The following RNF213 variants were observed in gnomAD, a reference collection of about 807,000 sequenced individuals.
RNF213 encodes the protein E3 ubiquitin-protein ligase RNF213.
RNF213 carries 341 observed loss-of-function variants against 514.4 expected under a neutral mutation model. The ratio of observed to expected loss-of-function variants is 0.66; its 90% CI spans 0.61 to 0.73. The LOEUF is 0.73. Among genes scored for constraint, RNF213 ranks in the 30% least tolerant of loss-of-function variants. The pLI, the probability that RNF213 is intolerant of heterozygous loss-of-function variation, is 0.00. For synonymous variants in RNF213, 2,655 were observed against 2,658.2 expected (o/e 1.00, Z 0.04); for missense variants, 5,767 against 6,615.6 (o/e 0.87, Z 4.45).
chr17:80,321,734 T>C (rs1039374427), intron 17 of RNF213, among the ~76,000 whole-genome samples: 2 of 152,168 alleles, frequency 1.3e-5, no homozygotes, highest in African/African-American at 4.8e-5. Context: ...GGTTTTTGTT[T>C]GTTTTTTGAG....
Position 80,390,178 on chromosome 17 carries a change from G to C in RNF213, c.15452G>C (p.Arg5151Pro), listed in dbSNP as rs145670917. The C allele has an allele frequency of 6.2e-7, 1 of 1,614,012 alleles. No individual in the cohort carries two copies. The highest frequency in any genetic ancestry group is 1.3e-5 in the African/African-American group (1 of 75,034). The change falls in exon 67 of 68, where the codon CGC (arginine) becomes CCC (proline). Residue 5151 changes from arginine (R) to proline (P), a missense_variant. Arg to Pro is a moderately radical substitution (Grantham distance 103). Coordinates refer to ENST00000582970, the MANE Select transcript of RNF213 (RefSeq NM_001256071.3). ...LKNPQTQTEERFRPQWSLRDT... is the reference protein window; with the variant it reads ...LKNPQTQTEEPFRPQWSLRDT... ...AACCCCCAAACCCAAACCGAGGAGC[G>C]CTTCCGCCCTCAGTGGAGGTATGGA...
rs117705614 is a variant in RNF213 at position 80,364,529 on chromosome 17, C to T, written c.11847C>T (p.Thr3949=). ...TCCCCGAGTTACAGGGGCTGGTGAC[C>T]GAGCACGTCTTCTTACTAGACAAGG... The part of the protein sequence containing the change: ...SRVPELQGLV[T]EHVFLLDKCL... The change falls in exon 42 of 68, where the codon ACC becomes ACT. Residue 3949 remains threonine, a synonymous_variant. Coordinates refer to ENST00000582970, the MANE Select transcript of RNF213 (RefSeq NM_001256071.3). 5,739 of 1,614,116 alleles carry T rather than the reference C, an allele frequency of 3.6e-3. 19 individuals are homozygous for T. The highest frequency in any genetic ancestry group is 4.2e-3 in the Non-Finnish European group (4,998 of 1,179,998).
chr17:80,293,646 A>G (rs2044823945), intron 8 of RNF213, among the ~76,000 whole-genome samples: 1 of 151,534 alleles, frequency 6.6e-6, no homozygotes, highest in African/African-American at 2.4e-5. Flanking sequence ...ACACGGTGAA[A>G]CCCCGTCTCT....
At position 80,386,304 on chromosome 17, in the gene RNF213, AG is replaced by A; in HGVS notation, c.14595del (p.Glu4865AspfsTer23). 1 of 1,613,488 alleles carries A rather than the reference AG, an allele frequency of 6.2e-7. No homozygotes were observed. On this transcript the variant is annotated frameshift_variant, in exon 62 of 68. Transcript: ENST00000582970. LOFTEE classifies it high-confidence loss of function. The stretch of plus-strand genomic sequence containing the variant: ...AGCACTGACTTGGATCTGGACACTG[AG>A]TTTGAGATCCTCTTGCCACGCCGAC... ...YCSTDLDLDT[E>X]FEILLPRRRG... is the part of the protein sequence containing the mutation.
chr17:80,355,829 A>G (rs1047981637), intron 36 of RNF213, among the ~76,000 whole-genome samples: 1 of 150,052 alleles, frequency 6.7e-6, no homozygotes, highest in South Asian at 2.1e-4. Flanking sequence ...ACAGGAGAAG[A>G]AGCGGGGTGA....
At position 80,373,050 on chromosome 17, in the gene RNF213, G is replaced by A. The variant is rs764077430; in HGVS notation, c.12827G>A (p.Arg4276Gln). 127 of 1,613,760 alleles carry A rather than the reference G, an allele frequency of 7.9e-5. No homozygotes were observed. Among genetic ancestry groups the A allele is most frequent in the South Asian group, 7.2e-4 (66 of 91,078 alleles). Residue 4276 changes from arginine (R) to glutamine (Q), a missense_variant, in exon 49 of 68, where the codon CGG (arginine) becomes CAG (glutamine). Around this residue, in one of 13 missense-constraint regions of RNF213, gnomAD observed 1,245 missense variants for 1,339.0 expected, o/e 0.93. Coordinates refer to ENST00000582970, the MANE Select transcript of RNF213 (RefSeq NM_001256071.3). ...ATCCGGGTGGAGAACGACTGGCACC[G>A]GGTGTACCTGGTGCGGAAGCTCAGC... ...FCIRVENDWH[R>Q]VYLVRKLSSQ... is the part of the protein sequence containing the mutation.
In RNF213 at chr17:80,345,510, C is replaced by T. The variant is rs766724424; in HGVS notation, c.7175C>T (p.Thr2392Met). The T allele has an allele frequency of 4.3e-6, 7 of 1,611,594 alleles. No individual in the cohort carries two copies. Among genetic ancestry groups the T allele is most frequent in the Non-Finnish European group, 4.2e-6 (5 of 1,177,944 alleles). ...GIPQATDPDK[T>M]YELTTDNMLK... is the part of the protein sequence containing the mutation. The stretch of plus-strand genomic sequence containing the variant: ...CCCCAGGCCACCGACCCCGACAAAA[C>T]GTATGAGCTCACAACCGACAATATG... The change falls in exon 29 of 68, where the codon ACG (threonine) becomes ATG (methionine). Residue 2392 changes from threonine to methionine, a missense_variant. Coordinates refer to ENST00000582970, the MANE Select transcript of RNF213 (RefSeq NM_001256071.3). The surrounding 1 kb of genome is among the most constrained non-coding windows in gnomAD (Gnocchi z 6.0).
chr17:80,304,096 A>T (rs1469668863), intron 11 of RNF213, among the ~76,000 whole-genome samples: 1 of 151,914 alleles, frequency 6.6e-6, no homozygotes, highest in African/African-American at 2.4e-5. Context: ...CTTATCTTTA[A>T]ATATCTTGAA....
At position 80,373,142 on chromosome 17, in the gene RNF213, C is replaced by CA; in HGVS notation, c.12919_12920insA (p.Pro4307HisfsTer20). On this transcript the variant is annotated frameshift_variant, in exon 49 of 68. Transcript: ENST00000582970. LOFTEE classifies it high-confidence loss of function. The stretch of plus-strand genomic sequence containing the variant: ...CGGCCGCCCGCACCAGTGGGTGTTT[C>CA]CCAAGGACGTTGTCAAGCAGCAGGT... The CA allele has an allele frequency of 6.2e-7, 1 of 1,612,268 alleles. No homozygotes were observed. Among genetic ancestry groups the CA allele is most frequent in the Non-Finnish European group, 8.5e-7 (1 of 1,179,966 alleles).
At chr17:80,354,252 C>T in intron 35 of RNF213, 86 bp downstream of exon 35, 1 of 1,528,132 alleles carries the variant, frequency 6.5e-7, no homozygotes, top group South Asian at 1.1e-5. Context: ...TGTTGGGGGA[C>T]ACCCTCTCAG....
rs1599055637 is a variant in RNF213 at position 80,339,181 on chromosome 17, T to C, written c.4834-20T>C. The C allele has an allele frequency of 6.9e-7, 1 of 1,459,604 alleles. No homozygotes were observed. Among genetic ancestry groups the C allele is most frequent in the African/African-American group, 1.4e-5 (1 of 70,684 alleles). 90.4% of individuals were successfully genotyped at this position (1,459,604 alleles called of 1,614,324 possible). ...TCTCGCATGGCTCTGTGAGCCAACC[T>C]CATGGTTCTGCCTCTCCAGGTCTTC... On this transcript the variant is annotated intron_variant, in intron 25 of 67. Coordinates refer to ENST00000582970, the MANE Select transcript of RNF213 (RefSeq NM_001256071.3).
chr17:80,371,838 C>A, intron 46 of RNF213, 36 bp from the exon 47 acceptor site: 1 of 1,091,032 alleles, frequency 9.2e-7, no homozygotes, highest in Non-Finnish European at 1.4e-6. Context: ...GTCTCCAGAT[C>A]TGAGAGAACC....
At chr17:80,340,381 G>C in intron 26 of RNF213, 25 bp downstream of exon 26, 2 of 1,585,494 alleles carry the variant, frequency 1.3e-6, no homozygotes, top group Non-Finnish European at 1.7e-6. Flanking sequence ...AGGGTGGGCA[G>C]GCCCCGTCTC....
At position 80,397,488 on chromosome 17, in the gene RNF213, T is replaced by C. The variant is rs1159961345; in HGVS notation, c.*3990T>C. The C allele has an allele frequency of 2.6e-5, 4 of 152,134 alleles. No individual in the cohort carries two copies. In the East Asian group the frequency reaches 7.7e-4, roughly 29 times the overall value. 9.4% of individuals were successfully genotyped at this position (152,134 alleles called of 1,614,324 possible). On this transcript the variant is annotated 3_prime_UTR_variant, in exon 68 of 68. Transcript: ENST00000582970. Reference sequence around the variant, plus strand: ...CGACGCCTGACCTAATCAGTGATGCTATCTATAGATTACAGACATTATATA... The same window carrying C: ...CGACGCCTGACCTAATCAGTGATGCCATCTATAGATTACAGACATTATATA...
At chr17:80,289,573 A>T in intron 5 of RNF213, 86 bp from the exon 6 acceptor site, 1 of 1,444,804 alleles carries the variant, frequency 6.9e-7, no homozygotes, top group Non-Finnish European at 9.6e-7. Context: ...CTTGGTAATA[A>T]GAGCGAGACT....
intron 59 of RNF213, 123 bp downstream of exon 59, chr17:80,384,051 G>A (rs2080131524): frequency 2.4e-6 from 3 of 1,226,620 alleles, no homozygotes; most frequent in Non-Finnish European, 3.6e-6. Context: ...CTTTGGTTTT[G>A]AATAGGATGT....
intron 42 of RNF213, among the ~76,000 whole-genome samples, chr17:80,366,752 A>G (rs1191587343): frequency 1.3e-5 from 2 of 152,238 alleles, no homozygotes; most frequent in Non-Finnish European, 2.9e-5. Flanking sequence ...GTAGAGAGAA[A>G]GCATTTGATA....
At chr17:80,284,325 T>C (rs986370419) in intron 3 of RNF213, among the ~76,000 whole-genome samples, 3 of 151,524 alleles carry the variant, frequency 2.0e-5, no homozygotes, top group African/African-American at 7.3e-5. Context: ...GATCATGCCA[T>C]TGCACTCCAG....
intron 2 of RNF213, among the ~76,000 whole-genome samples, chr17:80,269,602 G>GT (rs2043746513): frequency 6.7e-6 from 1 of 150,076 alleles, no homozygotes; most frequent in Non-Finnish European, 1.5e-5. Context: ...CATCCTATCT[G>GT]TTTATCTATC....
Sources: allele counts gnomAD v4.1 joint callset (sites outside exome capture counted in the v4.1 genomes callset), GRCh38; gene constraint gnomAD v4.1.1; regional missense constraint gnomAD v4.1.1; non-coding constraint Gnocchi (gnomAD v3.1); transcripts MANE v1.5; gene names NCBI Gene and HGNC (gene_info 2026-07-23, HGNC 2026-07-21).